The following UNC5D variants were observed in gnomAD, a reference collection of about 807,000 sequenced individuals.
UNC5D encodes netrin receptor UNC5D.
Under a neutral mutation model 105.4 loss-of-function variants are expected in UNC5D, and 39 were observed. The observed-to-expected ratio is 0.37, with a 90% CI of 0.29 to 0.48. The LOEUF (loss-of-function observed/expected upper bound fraction) is 0.48. Among genes scored for constraint, UNC5D ranks in the 20% least tolerant of loss-of-function variants. The probability of loss-of-function intolerance (pLI) is 0.98; values close to 1 mark genes in which losing one functional copy is unlikely to be tolerated. For missense variants in UNC5D, 991 were observed against 1,202.4 expected, an observed-to-expected ratio of 0.82 and a Z score of 2.60; for synonymous variants, 452 against 450.4, an observed-to-expected ratio of 1.00 and a Z score of -0.04.
intron 1 of UNC5D, among the ~76,000 whole-genome samples, chr8:35,348,060 A>G (rs766814934): frequency 6.6e-6 from 1 of 151,988 alleles, no homozygotes; most frequent in Non-Finnish European, 1.5e-5. Flanking sequence ...ACAAAGATGT[A>G]TAAAGGAAAA....
At chr8:35,710,283 T>G (rs1005512989) in intron 8 of UNC5D, among the ~76,000 whole-genome samples, 6 of 152,158 alleles carry the variant, frequency 3.9e-5, no homozygotes, top group African/African-American at 1.2e-4. Flanking sequence ...TCAAAAGGAT[T>G]TTCTGATGTT....
At chr8:35,437,436 C>G (rs73672296) in intron 1 of UNC5D, among the ~76,000 whole-genome samples, 2,214 of 152,040 alleles carry the variant, frequency 0.015, 35 homozygotes, top group African/African-American at 0.05. Context: ...AGCAGATAAA[C>G]AGGTCTTCCC....
intron 3 of UNC5D, among the ~76,000 whole-genome samples, chr8:35,586,496 A>G (rs1031199540): frequency 4.6e-5 from 7 of 152,256 alleles, no homozygotes; most frequent in African/African-American, 1.4e-4. Context: ...GTGGAACCAC[A>G]TGGAAGCACC....
chr8:35,292,735 G>A (rs113694602), intron 1 of UNC5D, among the ~76,000 whole-genome samples: 8 of 23,994 alleles, frequency 3.3e-4, no homozygotes, highest in Non-Finnish European at 6.0e-4. Flanking sequence ...TTTTTTTTTT[G>A]AGACAGAGTC....
At chr8:35,402,468 C>T (rs955181897) in intron 1 of UNC5D, among the ~76,000 whole-genome samples, 1 of 151,998 alleles carries the variant, frequency 6.6e-6, no homozygotes, top group Non-Finnish European at 1.5e-5. Flanking sequence ...AATTATCTCG[C>T]ACTGGGTTTC....
intron 14 of UNC5D, among the ~76,000 whole-genome samples, chr8:35,759,845 G>A (rs1801437237): frequency 6.6e-6 from 1 of 152,064 alleles, no homozygotes; most frequent in Admixed American, 6.5e-5. Context: ...ATTCAGCAAT[G>A]AATAAACTGA....
intron 1 of UNC5D, among the ~76,000 whole-genome samples, chr8:35,380,095 G>GGC (rs1206525309): frequency 1.2e-4 from 12 of 99,066 alleles, no homozygotes; most frequent in Admixed American, 4.4e-4. Context: ...GGTGGGGGGG[G>GGC]GGTCGGGGAG....
chr8:35,635,388 C>A (rs751923311), intron 4 of UNC5D, among the ~76,000 whole-genome samples: 2 of 152,294 alleles, frequency 1.3e-5, no homozygotes, highest in East Asian at 3.9e-4. Context: ...TTTGTCTTAA[C>A]CCGTTAAGTG....
intron 14 of UNC5D, among the ~76,000 whole-genome samples, chr8:35,761,446 A>G (rs1284047001): frequency 9.9e-5 from 15 of 152,186 alleles, no homozygotes; most frequent in Admixed American, 9.8e-4. Flanking sequence ...CTAAGTGTTT[A>G]CTGACCTCAG....
intron 4 of UNC5D, among the ~76,000 whole-genome samples, chr8:35,628,985 C>A (rs377161682): frequency 1.2e-4 from 18 of 152,258 alleles, no homozygotes; most frequent in South Asian, 8.3e-4. Flanking sequence ...CTCTCTGGTG[C>A]TCTTTCCTCT....
intron 1 of UNC5D, among the ~76,000 whole-genome samples, chr8:35,272,589 G>A (rs759203093): frequency 7.9e-5 from 12 of 152,130 alleles, no homozygotes; most frequent in Non-Finnish European, 1.3e-4. Flanking sequence ...CCTGCCCCTG[G>A]GGAGAGGGTG....
At chr8:35,557,151 G>A (rs781508013) in intron 2 of UNC5D, among the ~76,000 whole-genome samples, 97 of 152,082 alleles carry the variant, frequency 6.4e-4, no homozygotes, top group Non-Finnish European at 1.1e-3. Flanking sequence ...GTCCACTTCC[G>A]CCTCTTCACT....
intron 1 of UNC5D, among the ~76,000 whole-genome samples, chr8:35,512,595 C>G (rs1384272685): frequency 6.4e-5 from 7 of 110,142 alleles, no homozygotes; most frequent in African/African-American, 2.4e-4. Flanking sequence ...AAATGGAGAT[C>G]CTTGGCTACC....
At chr8:35,298,107 A>G (rs1807638347) in intron 1 of UNC5D, among the ~76,000 whole-genome samples, 1 of 152,170 alleles carries the variant, frequency 6.6e-6, no homozygotes, top group African/African-American at 2.4e-5. Context: ...GCTGCTCTGA[A>G]TATGCAAGTC....
chr8:35,746,233 T>C (rs528628461), intron 11 of UNC5D, among the ~76,000 whole-genome samples: 2 of 152,322 alleles, frequency 1.3e-5, no homozygotes, highest in Non-Finnish European at 2.9e-5. Flanking sequence ...TCACCTTGAT[T>C]GACTCCTCTG....
intron 1 of UNC5D, among the ~76,000 whole-genome samples, chr8:35,398,277 T>A (rs115444670): frequency 0.018 from 2,676 of 152,254 alleles, 94 homozygotes; most frequent in African/African-American, 0.061. Context: ...TTTCTTGACC[T>A]CCTTCTTTTA....
At chr8:35,307,828 A>G (rs1808538903) in intron 1 of UNC5D, among the ~76,000 whole-genome samples, 2 of 152,198 alleles carry the variant, frequency 1.3e-5, no homozygotes, top group East Asian at 3.9e-4. Context: ...GTTAATATTG[A>G]TTCAATGTCA....
At chr8:35,276,095 G>T (rs541150772) in intron 1 of UNC5D, among the ~76,000 whole-genome samples, 1 of 152,110 alleles carries the variant, frequency 6.6e-6, no homozygotes, top group African/African-American at 2.4e-5. Context: ...AGGTTGTGAA[G>T]ATTTCAGTGT....
chr8:35,394,559 G>A (rs945220255), intron 1 of UNC5D, among the ~76,000 whole-genome samples: 1 of 150,978 alleles, frequency 6.6e-6, no homozygotes, highest in African/African-American at 2.4e-5. Flanking sequence ...TAGATAATTT[G>A]AAATTTATGA....
Sources: gnomAD v4.1 joint callset for allele counts (sites outside exome capture counted in the v4.1 genomes callset) on GRCh38, gnomAD v4.1.1 for gene constraint, MANE v1.5 for transcripts, NCBI Gene and HGNC (gene_info 2026-07-23, HGNC 2026-07-21) for gene names.